HNF1B: variants seen among roughly 807,000 people sequenced by gnomAD.
The protein encoded by HNF1B is HNF1 homeobox B.
Under a neutral mutation model 61.7 loss-of-function variants are expected in HNF1B, and 8 were observed. The observed-to-expected ratio is 0.13, with a 90% CI of 0.08 to 0.23. HNF1B has a LOEUF of 0.23. Among genes scored for constraint, HNF1B ranks in the 10% least tolerant of loss-of-function variants. The probability of loss-of-function intolerance (pLI) is 1.00; values close to 1 mark genes in which losing one functional copy is unlikely to be tolerated. For missense variants in HNF1B, 562 were observed against 714.5 expected (o/e 0.79, Z 2.43); for synonymous variants, 314 against 287.7 (o/e 1.09, Z -0.93).
At chr17:37,727,010 G>A (rs1396782897) in intron 4 of HNF1B, among the ~76,000 whole-genome samples, 1 of 152,156 alleles carries the variant, frequency 6.6e-6, no homozygotes, top group Non-Finnish European at 1.5e-5. Context: ...CTGCCGACTA[G>A]AGCAAAGGGT....
intron 1 of HNF1B, among the ~76,000 whole-genome samples, chr17:37,740,919 G>T (rs2033973672): frequency 1.3e-5 from 2 of 152,140 alleles, no homozygotes; most frequent in South Asian, 4.1e-4. Context: ...GCTTTGAAAA[G>T]AGAGATATAA....
At chr17:37,733,859 G>A (rs2033760023) in intron 2 of HNF1B, 38 bp from the exon 3 acceptor site, 2 of 1,603,292 alleles carry the variant, frequency 1.2e-6, no homozygotes, top group African/African-American at 1.4e-5. Flanking sequence ...AGGGTCTGTA[G>A]CCTTCACTCA....
rs2032894939 is a variant in HNF1B at position 37,710,461 on chromosome 17, A to G, written c.1206+42T>C. Reference sequence around the variant, plus strand: ...AGAAGTTGTGTTTGTTTTGCCTCTTATCTTATCAGCTCCAGAGCGACAATG... The same window carrying G: ...AGAAGTTGTGTTTGTTTTGCCTCTTGTCTTATCAGCTCCAGAGCGACAATG... On this transcript the variant is annotated intron_variant, in intron 5 of 8. Coordinates refer to ENST00000617811, the MANE Select transcript of HNF1B (RefSeq NM_000458.4). The G allele has an allele frequency of 1.9e-6, 3 of 1,610,788 alleles. 1 individual carries two copies. In the East Asian group the frequency reaches 6.7e-5, roughly 36 times the overall value.
chr17:37,735,729 A>G (rs1385711658), intron 2 of HNF1B, among the ~76,000 whole-genome samples: 1 of 152,154 alleles, frequency 6.6e-6, no homozygotes, highest in Admixed American at 6.5e-5. Context: ...TCAGGATGAT[A>G]GTGATGTTGG....
intron 8 of HNF1B, among the ~76,000 whole-genome samples, chr17:37,698,663 T>C (rs1361472216): frequency 1.3e-5 from 2 of 152,194 alleles, no homozygotes; most frequent in African/African-American, 4.8e-5. Context: ...CTTTCTCCGC[T>C]GACTACTTTG....
In HNF1B at chr17:37,687,365, G is replaced by T. The variant is rs765651394; in HGVS notation, c.*7C>A. ...TTGTTGCGCACGAAGTAAGTGGTGT[G>T]TGGGCATCACCAGGCTTGTAGAGGA... is the stretch of plus-strand genomic sequence containing the variant. On this transcript the variant is annotated 3_prime_UTR_variant, in exon 9 of 9. Transcript: ENST00000617811. The T allele has an allele frequency of 6.2e-7, 1 of 1,614,056 alleles. No individual in the cohort carries two copies. The highest frequency in any genetic ancestry group is 8.5e-7 in the Non-Finnish European group (1 of 1,179,998).
At chr17:37,712,500 A>G (rs1405497999) in intron 4 of HNF1B, among the ~76,000 whole-genome samples, 2 of 151,558 alleles carry the variant, frequency 1.3e-5, no homozygotes, top group Non-Finnish European at 2.9e-5. Context: ...CCAACAGTTC[A>G]AAGTGTTGTT....
At chr17:37,694,424 C>A (rs1403327551) in intron 8 of HNF1B, among the ~76,000 whole-genome samples, 1 of 48,114 alleles carries the variant, frequency 2.1e-5, no homozygotes, top group Non-Finnish European at 5.3e-5. Flanking sequence ...AAAACTCCAT[C>A]CCCCCGCCCC....
At chr17:37,693,663 C>G (rs1381556031) in intron 8 of HNF1B, among the ~76,000 whole-genome samples, 1 of 152,194 alleles carries the variant, frequency 6.6e-6, no homozygotes, top group African/African-American at 2.4e-5. Context: ...TCCTTCTCTC[C>G]CCTCACTCGT....
At chr17:37,710,810 C>A (rs2147474722) in intron 4 of HNF1B, 147 bp from the exon 5 acceptor site, 1 of 791,956 alleles carries the variant, frequency 1.3e-6, no homozygotes, top group Non-Finnish European at 2.1e-6. Flanking sequence ...ATATCGGCTG[C>A]TTTTCTCCAG....
chr17:37,743,422 G>A (rs2147593025), intron 1 of HNF1B, among the ~76,000 whole-genome samples: 1 of 152,362 alleles, frequency 6.6e-6, no homozygotes, highest in East Asian at 1.9e-4. Context: ...ATACCAAAGT[G>A]TGTTTGGGGA....
At chr17:37,729,856 C>T (rs978558658) in intron 4 of HNF1B, 1 of 149,898 alleles carries the variant, frequency 6.7e-6, no homozygotes, top group Non-Finnish European at 1.5e-5. Flanking sequence ...TCTAACATTA[C>T]AAGATTTTTA....
intron 1 of HNF1B, among the ~76,000 whole-genome samples, chr17:37,740,836 T>C (rs1238777747): frequency 6.6e-6 from 1 of 152,262 alleles, no homozygotes; most frequent in Non-Finnish European, 1.5e-5. Context: ...CTGCTAGTTT[T>C]AGCACCTTTG....
At chr17:37,743,768 G>C (rs1227190494) in intron 1 of HNF1B, among the ~76,000 whole-genome samples, 2 of 152,232 alleles carry the variant, frequency 1.3e-5, no homozygotes, top group African/African-American at 4.8e-5. Context: ...GAACTCCCGG[G>C]GAGAGGCCGG....
intron 2 of HNF1B, among the ~76,000 whole-genome samples, chr17:37,738,290 C>T (rs1467396779): frequency 6.6e-6 from 1 of 152,116 alleles, no homozygotes; most frequent in Non-Finnish European, 1.5e-5. Flanking sequence ...TGTAATGCTC[C>T]CAACAAAAGC....
At chr17:37,705,124 T>G (rs2032701444) in intron 5 of HNF1B, 75 bp from the exon 6 acceptor site, 2 of 1,439,224 alleles carry the variant, frequency 1.4e-6, no homozygotes, top group African/African-American at 2.8e-5. Context: ...ACGATGTGAC[T>G]TAGCGATTCC....
intron 7 of HNF1B, among the ~76,000 whole-genome samples, 194 bp from the exon 8 acceptor site, chr17:37,699,388 ATGTGGATGCTTGGC>A: frequency 6.7e-6 from 1 of 150,156 alleles, no homozygotes; most frequent in Admixed American, 6.6e-5. Flanking sequence ...TCCCGAAAGC[ATGTGGATGCTTGGC>A]TGTGAGGGAG....
At chr17:37,690,988 G>C (rs905162370) in intron 8 of HNF1B, among the ~76,000 whole-genome samples, 1 of 152,250 alleles carries the variant, frequency 6.6e-6, no homozygotes, top group East Asian at 1.9e-4. Context: ...AATGAGGCCC[G>C]GGGCCCTCCA....
chr17:37,698,192 T>C (rs1291262825), intron 8 of HNF1B, among the ~76,000 whole-genome samples: 1 of 152,086 alleles, frequency 6.6e-6, no homozygotes, highest in Non-Finnish European at 1.5e-5. Context: ...AAGTTCAAGG[T>C]TGTCACCTAC....
Sources: allele counts gnomAD v4.1 joint callset (sites outside exome capture counted in the v4.1 genomes callset), GRCh38; gene constraint gnomAD v4.1.1; transcripts MANE v1.5; gene names NCBI Gene and HGNC (gene_info 2026-07-23, HGNC 2026-07-21).